Variants in DENND4A observed in about 807,000 individuals in gnomAD.
DENND4A encodes C-myc promoter-binding protein.
DENND4A carries 70 observed loss-of-function variants against 199.3 expected under a neutral mutation model. The observed-to-expected ratio is 0.35, with a 90% CI of 0.29 to 0.43. DENND4A has a LOEUF of 0.43. DENND4A is among the 20% of genes least tolerant of loss of function. The pLI, the probability that DENND4A is intolerant of heterozygous loss-of-function variation, is 1.00. For synonymous variants in DENND4A, 686 were observed against 766.9 expected (o/e 0.89, Z 1.74); for missense variants, 1,723 against 2,255.8 (o/e 0.76, Z 4.78).
intron 1 of DENND4A, among the ~76,000 whole-genome samples, chr15:65,772,772 C>T (rs1024397934): frequency 7.0e-6 from 1 of 142,208 alleles, no homozygotes; most frequent in African/African-American, 2.6e-5. Flanking sequence ...AGGGACCAAG[C>T]ACACAGATTG....
chr15:65,729,041 T>C (rs769983969), intron 11 of DENND4A, 31 bp downstream of exon 11: 84 of 1,542,362 alleles, frequency 5.4e-5, no homozygotes, highest in Non-Finnish European at 7.3e-5. Context: ...AGTTGTAAAA[T>C]ATACATGTAG....
intron 8 of DENND4A, 113 bp downstream of exon 8, chr15:65,732,639 C>T (rs951070708): frequency 3.0e-6 from 2 of 659,802 alleles, no homozygotes; most frequent in Non-Finnish European, 5.2e-6. Context: ...ATCTGGTTCT[C>T]TCTAAATCTC....
At chr15:65,735,656 G>C (rs907889398) in intron 7 of DENND4A, among the ~76,000 whole-genome samples, 1 of 152,188 alleles carries the variant, frequency 6.6e-6, no homozygotes, top group Non-Finnish European at 1.5e-5. Flanking sequence ...AATTCTGTAT[G>C]ATGAAAGGGA....
At chr15:65,732,267 T>C (rs895635847) in intron 8 of DENND4A, among the ~76,000 whole-genome samples, 5 of 152,110 alleles carry the variant, frequency 3.3e-5, no homozygotes, top group Non-Finnish European at 7.4e-5. Context: ...TTATGTATAT[T>C]CTTACACTAC....
chr15:65,736,130 T>C (rs1249839782), intron 7 of DENND4A, among the ~76,000 whole-genome samples: 3 of 152,210 alleles, frequency 2.0e-5, no homozygotes. Context: ...AATAATAAAA[T>C]GTGTCTACAT....
chr15:65,706,405 T>A (rs925180632), intron 14 of DENND4A, among the ~76,000 whole-genome samples, 181 bp from the exon 15 acceptor site: 3 of 149,988 alleles, frequency 2.0e-5, no homozygotes, highest in Non-Finnish European at 4.4e-5. Context: ...AAGTGCAAAC[T>A]GTAAATAGTA....
intron 3 of DENND4A, 100 bp downstream of exon 3, chr15:65,756,040 G>T (rs2076692175): frequency 2.0e-6 from 2 of 1,023,310 alleles, no homozygotes; most frequent in Non-Finnish European, 2.8e-6. Context: ...TTCTAAATCT[G>T]CCATACATCT....
intron 17 of DENND4A, 56 bp from the exon 18 acceptor site, chr15:65,701,946 C>G: frequency 8.7e-6 from 14 of 1,604,924 alleles, no homozygotes; most frequent in Non-Finnish European, 1.2e-5. Context: ...GTACATAAAT[C>G]TAGAATAAAA....
intron 1 of DENND4A, among the ~76,000 whole-genome samples, chr15:65,775,895 C>T (rs1378766851): frequency 3.9e-5 from 6 of 152,142 alleles, no homozygotes; most frequent in Non-Finnish European, 5.9e-5. Flanking sequence ...GAACCATTTA[C>T]AGTTTCCCCC....
rs139798551 is a variant in DENND4A, at chr15:65,703,845, A to T, written c.2088-837T>A. Among the ~76,000 whole-genome samples, 8 of 152,330 alleles carry T rather than the reference A, an allele frequency of 5.3e-5. No individual in the cohort carries two copies. The East Asian group carries it at 1.4e-3, about 26-fold the overall frequency. ...ACAACATAGTGAAACTTCATTAATA[A>T]ATAAGTAAATAAGTGAAAGGCAGCA... On this transcript the variant is annotated intron_variant, in intron 15 of 32. Transcript: ENST00000443035.
intron 4 of DENND4A, among the ~76,000 whole-genome samples, chr15:65,747,209 T>G (rs1308304479): frequency 6.6e-6 from 1 of 152,200 alleles, no homozygotes; most frequent in African/African-American, 2.4e-5. Context: ...GCAAGCTACC[T>G]GGACTAAATA....
chr15:65,683,524 T>A (rs2076652362), intron 23 of DENND4A, among the ~76,000 whole-genome samples: 1 of 152,212 alleles, frequency 6.6e-6, no homozygotes, highest in Non-Finnish European at 1.5e-5. Flanking sequence ...TGAGTTAACC[T>A]CTAAGCACCT....
intron 23 of DENND4A, among the ~76,000 whole-genome samples, chr15:65,679,883 T>C (rs1486681838): frequency 6.6e-6 from 1 of 152,156 alleles, no homozygotes; most frequent in Non-Finnish European, 1.5e-5. Flanking sequence ...TTACTTTGGT[T>C]GGTGGGTACT....
chr15:65,748,065 GAA>G (rs1299007692), intron 4 of DENND4A, among the ~76,000 whole-genome samples: 1 of 108,930 alleles, frequency 9.2e-6, no homozygotes, highest in Non-Finnish European at 1.9e-5. Context: ...AAAAAAAAAG[GAA>G]AAAAAAAAAG....
chr15:65,757,264 G>T (rs1243036339), intron 2 of DENND4A, among the ~76,000 whole-genome samples: 9 of 32,642 alleles, frequency 2.8e-4, no homozygotes, highest in African/African-American at 9.7e-4. Context: ...TTCTGAGATG[G>T]GGGGGGGGGG....
At chr15:65,752,270 A>T in intron 4 of DENND4A, 109 bp downstream of exon 4, 1 of 681,524 alleles carries the variant, frequency 1.5e-6, no homozygotes, top group Non-Finnish European at 1.9e-6. Flanking sequence ...TAATTAAACT[A>T]TGCTGTTTTC....
intron 1 of DENND4A, among the ~76,000 whole-genome samples, chr15:65,790,092 T>A (rs1035222761): frequency 1.3e-5 from 2 of 152,254 alleles, no homozygotes; most frequent in Admixed American, 6.5e-5. Flanking sequence ...TTTACAATTC[T>A]GCCATAATTT....
At chr15:65,745,886 C>A (rs1365098036) in intron 4 of DENND4A, among the ~76,000 whole-genome samples, 4 of 151,912 alleles carry the variant, frequency 2.6e-5, no homozygotes, top group Admixed American at 2.6e-4. Context: ...GTAATCCCAG[C>A]ACTTTGGAAG....
At chr15:65,715,409 C>G (rs964885826) in intron 14 of DENND4A, 69 bp downstream of exon 14, 1 of 1,406,172 alleles carries the variant, frequency 7.1e-7, no homozygotes, top group African/African-American at 1.5e-5. Context: ...TACATAGAAA[C>G]TATAACTCAT....
Sources: allele counts gnomAD v4.1 joint callset (sites outside exome capture counted in the v4.1 genomes callset), GRCh38; gene constraint gnomAD v4.1.1; transcripts MANE v1.5; gene names NCBI Gene and HGNC (gene_info 2026-07-23, HGNC 2026-07-21).